Variants in BRD7 observed in about 807,000 individuals in gnomAD.
BRD7 encodes bromodomain-containing protein 7.
In BRD7, 15 loss-of-function variants were observed where a neutral mutation model predicts 82.1. That is an observed-to-expected ratio of 0.18 (90% CI 0.12 to 0.28). The LOEUF is 0.28. Ranked by LOEUF, BRD7 falls within the 10% of genes least tolerant of loss-of-function variation. BRD7 has a pLI of 1.00. For missense variants in BRD7, 638 were observed against 779.9 expected (o/e 0.82, Z 2.17); for synonymous variants, 232 against 266.9 (o/e 0.87, Z 1.27).
intron 4 of BRD7, among the ~76,000 whole-genome samples, chr16:50,352,698 TTTG>T (rs2038578282): frequency 3.1e-5 from 4 of 128,162 alleles, no homozygotes; most frequent in Admixed American, 2.5e-4. Context: ...TCTTGCCAGC[TTTG>T]TTTTTTTTTT....
Position 50,318,944 on chromosome 16 carries a change from G to A in BRD7, c.*267C>T, listed in dbSNP as rs981456511. The A allele has an allele frequency of 2.1e-5, 8 of 374,216 alleles. No homozygotes were observed. The highest frequency in any genetic ancestry group is 3.9e-5 in the Non-Finnish European group (8 of 206,998). The allele number at this position is 374,216 out of a possible 1,614,324, so 23.2% of individuals were successfully genotyped here. On this transcript the variant is annotated 3_prime_UTR_variant, in exon 17 of 17. Transcript: ENST00000394688. ...ACGCTTCTTAGTGATGATCCTGTCT[G>A]TGGGACATAAGGAAGAAGCATTGGA...
At chr16:50,365,275 A>G (rs1321986958) in intron 2 of BRD7, among the ~76,000 whole-genome samples, 4 of 152,230 alleles carry the variant, frequency 2.6e-5, no homozygotes, top group African/African-American at 9.6e-5. Context: ...TCCATCTCCT[A>G]GGAGAGGAGG....
chr16:50,320,795 G>A (rs765940451), intron 13 of BRD7, 21 bp from the exon 14 acceptor site: 12 of 1,525,636 alleles, frequency 7.9e-6, no homozygotes, highest in Admixed American at 3.3e-5. Context: ...AGGAAAAACA[G>A]GCAATTACTG....
chr16:50,341,723 T>C (rs900162595), intron 5 of BRD7, among the ~76,000 whole-genome samples: 1 of 151,072 alleles, frequency 6.6e-6, no homozygotes, highest in Admixed American at 6.6e-5. Flanking sequence ...CTATATATAC[T>C]CAAACTAAGT....
At chr16:50,363,655 G>GTGTC (rs1555472894) in intron 2 of BRD7, among the ~76,000 whole-genome samples, 2,391 of 95,454 alleles carry the variant, frequency 0.025, 61 homozygotes, top group African/African-American at 0.076. Context: ...GTGTGTGTGT[G>GTGTC]TGTGTGCGCG....
At chr16:50,356,191 T>G (rs540594194) in intron 2 of BRD7, among the ~76,000 whole-genome samples, 1 of 152,344 alleles carries the variant, frequency 6.6e-6, no homozygotes, top group South Asian at 2.1e-4. Context: ...TTTTCATACC[T>G]TGCAATTGGG....
intron 6 of BRD7, among the ~76,000 whole-genome samples, chr16:50,336,798 G>A (rs908047390): frequency 6.6e-6 from 1 of 152,174 alleles, no homozygotes; most frequent in Non-Finnish European, 1.5e-5. Context: ...ATTAGAGAAA[G>A]TTTCTAAACC....
At chr16:50,354,003 AAAG>A (rs1466871524) in intron 4 of BRD7, among the ~76,000 whole-genome samples, 1 of 152,190 alleles carries the variant, frequency 6.6e-6, no homozygotes, top group Non-Finnish European at 1.5e-5. Flanking sequence ...TCTGCATTTA[AAAG>A]AAGGCCATAA....
chr16:50,333,275 G>A (rs1378878484), intron 8 of BRD7, among the ~76,000 whole-genome samples: 1 of 152,054 alleles, frequency 6.6e-6, no homozygotes, highest in Admixed American at 6.6e-5. Flanking sequence ...AGTAAAAGAG[G>A]GTAAGATTAA....
At chr16:50,350,219 T>G in intron 4 of BRD7, 52 bp from the exon 5 acceptor site, 1 of 1,374,662 alleles carries the variant, frequency 7.3e-7, no homozygotes. Flanking sequence ...TACAAACAAA[T>G]CTATTGGTCT....
intron 2 of BRD7, among the ~76,000 whole-genome samples, chr16:50,362,580 T>C (rs1009301370): frequency 1.3e-5 from 2 of 152,166 alleles, no homozygotes; most frequent in African/African-American, 4.8e-5. Context: ...ATAAATAAAA[T>C]GTGGTATATC....
intron 2 of BRD7, among the ~76,000 whole-genome samples, chr16:50,355,419 A>G (rs76140260): frequency 0.016 from 2,405 of 152,348 alleles, 55 homozygotes; most frequent in African/African-American, 0.054. Flanking sequence ...AGAACACAAT[A>G]GTTTTGAAAA....
Position 50,354,496 on chromosome 16 carries a change from G to A in BRD7, c.389-14C>T. 1 of 1,604,864 alleles carries A rather than the reference G, an allele frequency of 6.2e-7. No individual in the cohort carries two copies. Among genetic ancestry groups the A allele is most frequent in the Non-Finnish European group, 8.5e-7 (1 of 1,173,762 alleles). On this transcript the variant is annotated splice_polypyrimidine_tract_variant and intron_variant, in intron 3 of 16. Transcript: ENST00000394688. ...TCTGTTCTACTTCTAAAGCAAAGAA[G>A]AAGGGAAAAGGGTATTTTAAAAAGG...
intron 11 of BRD7, among the ~76,000 whole-genome samples, chr16:50,324,519 G>A (rs1333349783): frequency 6.6e-6 from 1 of 152,152 alleles, no homozygotes; most frequent in Non-Finnish European, 1.5e-5. Context: ...CTGGCCATGT[G>A]CCTGCACTCT....
intron 12 of BRD7, among the ~76,000 whole-genome samples, chr16:50,322,545 T>A (rs1264490244): frequency 6.6e-6 from 1 of 152,216 alleles, no homozygotes; most frequent in Non-Finnish European, 1.5e-5. Context: ...GATGTCATCT[T>A]TCTTTGAAAG....
chr16:50,367,128 T>C (rs983582097), intron 2 of BRD7, among the ~76,000 whole-genome samples: 2 of 152,062 alleles, frequency 1.3e-5, no homozygotes, highest in Non-Finnish European at 1.5e-5. Flanking sequence ...ATAAGAAAAA[T>C]TACATAACTA....
intron 8 of BRD7, among the ~76,000 whole-genome samples, chr16:50,333,242 A>T (rs1262172579): frequency 6.6e-6 from 1 of 152,264 alleles, no homozygotes; most frequent in Non-Finnish European, 1.5e-5. Flanking sequence ...AGAACATATT[A>T]TAACTTCATT....
At chr16:50,358,438 G>C (rs2038822861) in intron 2 of BRD7, among the ~76,000 whole-genome samples, 1 of 147,296 alleles carries the variant, frequency 6.8e-6, no homozygotes, top group African/African-American at 2.5e-5. Context: ...GGAGGTTGCG[G>C]TAAGTCGAGA....
chr16:50,354,830 A>C lies in BRD7; in HGVS notation c.351T>G (p.Pro117=). The C allele has an allele frequency of 6.2e-7, 1 of 1,612,548 alleles. No homozygotes were observed. The highest frequency in any genetic ancestry group is 8.5e-7 in the Non-Finnish European group (1 of 1,179,946). ...CTAAAGAGCTTGTGAGAGGCTTCTC[A>C]GGAGGCAAGTCTAATCTCACAGGGG... The part of the protein sequence containing the change: ...CHAPVRLDLP[P]EKPLTSSLAK... Residue 117 remains proline (P), a synonymous_variant, in exon 3 of 17, where the codon CCT becomes CCG. Transcript: ENST00000394688.
Sources: allele counts gnomAD v4.1 joint callset (sites outside exome capture counted in the v4.1 genomes callset), GRCh38; gene constraint gnomAD v4.1.1; transcripts MANE v1.5; gene names NCBI Gene and HGNC (gene_info 2026-07-23, HGNC 2026-07-21).